RPA3: variants seen among roughly 807,000 people sequenced by gnomAD.
The protein encoded by RPA3 is replication protein A 14 kDa subunit.
A neutral mutation model predicts 13.7 loss-of-function variants in RPA3; 24 were observed. That is an observed-to-expected ratio of 1.75 (90% confidence interval 1.27 to 2.46). RPA3 has a LOEUF of 2.46. Ranked by LOEUF, RPA3 falls within the 30% of genes most tolerant of loss-of-function variation. The pLI is 0.00. For missense variants in RPA3, 183 were observed against 151.0 expected, an observed-to-expected ratio of 1.21 and a Z score of -1.11; for synonymous variants, 59 against 51.2, an observed-to-expected ratio of 1.15 and a Z score of -0.65.
intron 4 of RPA3, among the ~76,000 whole-genome samples, chr7:7,674,222 T>C (rs1010115291): frequency 3.3e-5 from 5 of 152,196 alleles, no homozygotes; most frequent in Non-Finnish European, 7.3e-5. Flanking sequence ...TTAACTCATA[T>C]GGTCTTCACT....
intron 4 of RPA3, among the ~76,000 whole-genome samples, chr7:7,664,758 G>GT (rs1479397586): frequency 2.6e-5 from 4 of 152,124 alleles, no homozygotes; most frequent in African/African-American, 9.7e-5. Flanking sequence ...GTTGTTTTAG[G>GT]TTGTGTATTC....
At chr7:7,702,151 G>T (rs1780478327) in intron 2 of RPA3, among the ~76,000 whole-genome samples, 1 of 152,108 alleles carries the variant, frequency 6.6e-6, no homozygotes, top group African/African-American at 2.4e-5. Flanking sequence ...TTGCAAGGAG[G>T]ATTTTATATG....
At chr7:7,673,144 C>G (rs970770753) in intron 4 of RPA3, among the ~76,000 whole-genome samples, 1 of 152,194 alleles carries the variant, frequency 6.6e-6, no homozygotes, top group Non-Finnish European at 1.5e-5. Context: ...AGATCATTTT[C>G]TAGCTTTGTC....
At chr7:7,668,605 T>C (rs1779529220) in intron 4 of RPA3, among the ~76,000 whole-genome samples, 1 of 152,188 alleles carries the variant, frequency 6.6e-6, no homozygotes, top group Non-Finnish European at 1.5e-5. Flanking sequence ...CAACATGTAA[T>C]GAAACCAGTT....
chr7:7,713,174 T>TA (rs1341258007), intron 2 of RPA3, among the ~76,000 whole-genome samples: 2 of 150,870 alleles, frequency 1.3e-5, no homozygotes, highest in African/African-American at 2.4e-5. Context: ...CTGTTTCTAC[T>TA]AAAAATACAA....
At chr7:7,639,187 C>T in intron 5 of RPA3, 43 bp from the exon 6 acceptor site, 1 of 1,483,900 alleles carries the variant, frequency 6.7e-7, no homozygotes, top group Admixed American at 1.8e-5. Context: ...AAAACAACAA[C>T]AAAGTTTGAC....
intron 4 of RPA3, among the ~76,000 whole-genome samples, chr7:7,665,309 C>T (rs1487827371): frequency 6.6e-6 from 1 of 152,168 alleles, no homozygotes; most frequent in Non-Finnish European, 1.5e-5. Flanking sequence ...TAGGCAGGCC[C>T]TTTTATACGC....
At position 7,704,392 on chromosome 7, in the gene RPA3, G is replaced by T. The variant is rs116303872; in HGVS notation, c.-1028+10783C>A. Among the ~76,000 whole-genome samples the T allele has an allele frequency of 6.0e-3, 918 of 151,760 alleles. 14 individuals carry two copies. The highest frequency in any genetic ancestry group is 0.021 in the African/African-American group (868 of 41,362). ...ATATAACTGACGTAAGAGTCCTTTG[G>T]GTCCTCAGTAATTTTTGAGAGCATA... is the stretch of plus-strand genomic sequence containing the variant. On this transcript the variant is annotated intron_variant, in intron 2 of 7. Transcript: ENST00000223129.
chr7:7,714,846 A>C (rs907139804), intron 2 of RPA3, among the ~76,000 whole-genome samples: 9 of 151,034 alleles, frequency 6.0e-5, no homozygotes, highest in African/African-American at 2.2e-4. Context: ...GTTGTTCAAA[A>C]ATTTTTCTTT....
chr7:7,651,136 ATC>A (rs1785214782), intron 4 of RPA3, among the ~76,000 whole-genome samples: 1 of 152,238 alleles, frequency 6.6e-6, no homozygotes, highest in Admixed American at 6.5e-5. Flanking sequence ...TGTACAGTCC[ATC>A]TAAAAAAGTT....
chr7:7,717,060 CTTTT>C (rs766644906), intron 1 of RPA3, among the ~76,000 whole-genome samples: 1 of 141,600 alleles, frequency 7.1e-6, no homozygotes, highest in African/African-American at 2.6e-5. Context: ...TTCTTTTTTT[CTTTT>C]TTTTTTTTTT....
chr7:7,704,861 T>A (rs972839221), intron 2 of RPA3, among the ~76,000 whole-genome samples: 2 of 149,992 alleles, frequency 1.3e-5, no homozygotes, highest in Admixed American at 1.3e-4. Flanking sequence ...GGGTCATCAA[T>A]TGAAAAAAAA....
At chr7:7,659,922 T>G (rs900487919) in intron 4 of RPA3, among the ~76,000 whole-genome samples, 13 of 152,196 alleles carry the variant, frequency 8.5e-5, no homozygotes, top group African/African-American at 3.1e-4. Flanking sequence ...CCCACTATTA[T>G]TGTGTTGGAG....
At chr7:7,699,992 T>G (rs567602242) in intron 2 of RPA3, among the ~76,000 whole-genome samples, 2 of 152,314 alleles carry the variant, frequency 1.3e-5, no homozygotes, top group African/African-American at 2.4e-5. Context: ...ATGAAGTAAG[T>G]GTGGTGATAC....
intron 4 of RPA3, among the ~76,000 whole-genome samples, chr7:7,650,825 T>C (rs1378748713): frequency 6.6e-6 from 1 of 152,220 alleles, no homozygotes; most frequent in Non-Finnish European, 1.5e-5. Flanking sequence ...CTCCTTGGCA[T>C]GGCATATAAG....
At chr7:7,696,966 G>T (rs995878106) in intron 2 of RPA3, among the ~76,000 whole-genome samples, 4 of 151,878 alleles carry the variant, frequency 2.6e-5, no homozygotes, top group African/African-American at 9.7e-5. Flanking sequence ...AACCAGCTAT[G>T]ACCTAAGCTT....
At chr7:7,685,428 G>C (rs1780021686) in intron 4 of RPA3, among the ~76,000 whole-genome samples, 1 of 151,598 alleles carries the variant, frequency 6.6e-6, no homozygotes, top group Non-Finnish European at 1.5e-5. Context: ...TCCTGCCTCA[G>C]CCTTCCGAGT....
intron 4 of RPA3, among the ~76,000 whole-genome samples, chr7:7,644,656 C>G (rs1785056003): frequency 6.6e-6 from 1 of 152,102 alleles, no homozygotes; most frequent in Non-Finnish European, 1.5e-5. Flanking sequence ...TCACTTGTCA[C>G]CTTAAGTTTA....
At chr7:7,659,924 G>T (rs1785433547) in intron 4 of RPA3, among the ~76,000 whole-genome samples, 1 of 152,146 alleles carries the variant, frequency 6.6e-6, no homozygotes, top group Non-Finnish European at 1.5e-5. Context: ...CACTATTATT[G>T]TGTTGGAGTC....
Sources: allele counts gnomAD v4.1 joint callset (sites outside exome capture counted in the v4.1 genomes callset), GRCh38; gene constraint gnomAD v4.1.1; transcripts MANE v1.5; gene names NCBI Gene and HGNC (gene_info 2026-07-23, HGNC 2026-07-21).